LSAMP: variants seen among roughly 807,000 people sequenced by gnomAD.
The protein encoded by LSAMP is limbic system associated membrane protein, also known as limbic system-associated membrane protein.
A neutral mutation model predicts 38.6 loss-of-function variants in LSAMP; 7 were observed. That is an observed-to-expected ratio of 0.18 (90% CI 0.10 to 0.34). The LOEUF is 0.34. Ranked by LOEUF, LSAMP falls within the 10% of genes least tolerant of loss-of-function variation. LSAMP has a pLI of 1.00. For missense variants in LSAMP, 313 were observed against 420.0 expected, an observed-to-expected ratio of 0.75 and a Z score of 2.23; for synonymous variants, 154 against 166.8, an observed-to-expected ratio of 0.92 and a Z score of 0.59.
chr3:116,035,885 C>T (rs1941034451), intron 2 of LSAMP, among the ~76,000 whole-genome samples: 1 of 152,186 alleles, frequency 6.6e-6, no homozygotes, highest in South Asian at 2.1e-4. Context: ...CTTGGGGTTC[C>T]TTTGGGACCA....
intron 2 of LSAMP, among the ~76,000 whole-genome samples, chr3:116,072,751 G>GTTTTTTTTTTT (rs1559731710): frequency 2.5e-5 from 3 of 118,706 alleles, no homozygotes; most frequent in Non-Finnish European, 3.6e-5. Flanking sequence ...GGTTGTTTGT[G>GTTTTTTTTTTT]GTTTTTTTTT....
At chr3:115,999,573 A>G (rs1020558314) in intron 3 of LSAMP, among the ~76,000 whole-genome samples, 2 of 152,194 alleles carry the variant, frequency 1.3e-5, no homozygotes, top group African/African-American at 4.8e-5. Context: ...CCCTGAGGCT[A>G]CCATTCATGG....
chr3:115,952,806 A>G (rs1360017057), intron 3 of LSAMP, among the ~76,000 whole-genome samples: 2 of 152,230 alleles, frequency 1.3e-5, no homozygotes, highest in Admixed American at 1.3e-4. Flanking sequence ...GGAAGTGGAT[A>G]AAGTGATGTC....
chr3:115,973,411 G>A (rs1236128733), intron 3 of LSAMP, among the ~76,000 whole-genome samples: 1 of 152,088 alleles, frequency 6.6e-6, no homozygotes, highest in East Asian at 1.9e-4. Flanking sequence ...AGATATCTTG[G>A]GGAGGGGATA....
chr3:116,122,498 G>T (rs2107489814), intron 1 of LSAMP, among the ~76,000 whole-genome samples: 1 of 152,188 alleles, frequency 6.6e-6, no homozygotes, highest in African/African-American at 2.4e-5. Flanking sequence ...TTCCTGTAAA[G>T]TACTTACCAT....
intron 1 of LSAMP, among the ~76,000 whole-genome samples, chr3:116,144,815 T>A (rs1576391360): frequency 6.6e-6 from 1 of 152,086 alleles, no homozygotes; most frequent in Non-Finnish European, 1.5e-5. Flanking sequence ...AAACTTTCTA[T>A]GTTCTAGGTA....
At chr3:115,939,106 T>A (rs9814019) in intron 3 of LSAMP, among the ~76,000 whole-genome samples, 144,699 of 152,208 alleles carry the variant, frequency 0.95, 69,178 homozygotes, top group East Asian at 1. Flanking sequence ...AAATGACTTG[T>A]TACCTGTCAC....
At chr3:115,976,779 C>T (rs1939201634) in intron 3 of LSAMP, among the ~76,000 whole-genome samples, 1 of 152,172 alleles carries the variant, frequency 6.6e-6, no homozygotes, top group African/African-American at 2.4e-5. Context: ...CGGCCCCTCC[C>T]TCTTAACTCT....
At chr3:116,155,018 G>GT (rs1553708411) in intron 1 of LSAMP, among the ~76,000 whole-genome samples, 37,704 of 150,952 alleles carry the variant, frequency 0.25, 5,361 homozygotes, top group African/African-American at 0.39. Flanking sequence ...GAATGTTTTG[G>GT]TTTTTTTTGT....
At chr3:115,902,063 T>G (rs1936889411) in intron 3 of LSAMP, among the ~76,000 whole-genome samples, 1 of 151,918 alleles carries the variant, frequency 6.6e-6, no homozygotes, top group Non-Finnish European at 1.5e-5. Context: ...AGAGGAACAA[T>G]AATAAAAACA....
intron 3 of LSAMP, among the ~76,000 whole-genome samples, chr3:115,969,586 T>C (rs1027257429): frequency 6.6e-6 from 1 of 152,228 alleles, no homozygotes; most frequent in African/African-American, 2.4e-5. Flanking sequence ...TCACCACAAT[T>C]ACAGCTGCTT....
At chr3:115,865,924 T>C (rs114703245) in intron 3 of LSAMP, among the ~76,000 whole-genome samples, 2,094 of 152,224 alleles carry the variant, frequency 0.014, 39 homozygotes, top group African/African-American at 0.046. Context: ...ATGAGGAGAA[T>C]CAACATTCTG....
intron 3 of LSAMP, among the ~76,000 whole-genome samples, chr3:115,875,092 G>A (rs1432716217): frequency 6.6e-6 from 1 of 152,028 alleles, no homozygotes; most frequent in Non-Finnish European, 1.5e-5. Context: ...ATTAGGAATT[G>A]GATAGTGAGT....
chr3:116,383,683 A>G (rs1439669231), intron 1 of LSAMP, among the ~76,000 whole-genome samples: 1 of 152,158 alleles, frequency 6.6e-6, no homozygotes, highest in East Asian at 1.9e-4. Context: ...ACATGTTTAA[A>G]AGTTTATAGA....
chr3:115,839,789 A>C (rs2107500475), intron 6 of LSAMP, among the ~76,000 whole-genome samples: 1 of 152,314 alleles, frequency 6.6e-6, no homozygotes, highest in African/African-American at 2.4e-5. Flanking sequence ...CAATCCTCAA[A>C]TGTATAATGG....
chr3:116,375,665 T>C (rs2048485216), intron 1 of LSAMP, among the ~76,000 whole-genome samples: 1 of 151,930 alleles, frequency 6.6e-6, no homozygotes, highest in African/African-American at 2.4e-5. Context: ...ATAGATTTTA[T>C]TTGTAATATC....
chr3:115,856,430 C>T (rs1935510224), intron 3 of LSAMP, among the ~76,000 whole-genome samples: 1 of 152,002 alleles, frequency 6.6e-6, no homozygotes, highest in Non-Finnish European at 1.5e-5. Context: ...CCAGCCAGGC[C>T]AACATGGTGA....
chr3:116,151,196 T>C (rs1376724188), intron 1 of LSAMP, among the ~76,000 whole-genome samples: 1 of 151,962 alleles, frequency 6.6e-6, no homozygotes, highest in Non-Finnish European at 1.5e-5. Context: ...TTACTTTAAA[T>C]GAGGAAAACA....
intron 3 of LSAMP, among the ~76,000 whole-genome samples, chr3:115,897,538 TG>T (rs1936760547): frequency 6.6e-6 from 1 of 152,054 alleles, no homozygotes; most frequent in Admixed American, 6.6e-5. Context: ...AATGAATAAT[TG>T]TAAAGCCTTT....
Sources: gnomAD v4.1 joint callset for allele counts (sites outside exome capture counted in the v4.1 genomes callset) on GRCh38, gnomAD v4.1.1 for gene constraint, MANE v1.5 for transcripts, NCBI Gene and HGNC (gene_info 2026-07-23, HGNC 2026-07-21) for gene names.